SLC6A12: variants seen among roughly 807,000 people sequenced by gnomAD.
The protein encoded by SLC6A12 is solute carrier family 6 member 12, also known as sodium- and chloride-dependent betaine transporter.
SLC6A12 carries 50 observed loss-of-function variants against 73.3 expected under a neutral mutation model. That is an observed-to-expected ratio of 0.68 (90% CI 0.54 to 0.86). The LOEUF (loss-of-function observed/expected upper bound fraction) is 0.86. Among genes scored for constraint, SLC6A12 ranks in the 40% least tolerant of loss-of-function variants. The pLI, the probability that SLC6A12 is intolerant of heterozygous loss-of-function variation, is 0.00. For missense variants in SLC6A12, 648 were observed against 772.8 expected, an observed-to-expected ratio of 0.84 and a Z score of 1.92; for synonymous variants, 304 against 309.2, an observed-to-expected ratio of 0.98 and a Z score of 0.18.
chr12:211,880 T>G (rs147449694), intron 2 of SLC6A12, 146 bp downstream of exon 2: 5 of 152,354 alleles, frequency 3.3e-5, no homozygotes, highest in Middle Eastern at 3.4e-3. Context: ...ATTATTGAAG[T>G]GCATCCTCCT....
downstream of SLC6A12, among the ~76,000 whole-genome samples, chr12:186,524 G>A (rs115007083): frequency 0.011 from 1,712 of 152,348 alleles, 41 homozygotes; most frequent in African/African-American, 0.038. Flanking sequence ...TAAGGCTGTA[G>A]TCCCTGTGTC....
At chr12:200,549 G>A (rs919409968) in intron 7 of SLC6A12, 102 bp downstream of exon 7, 3 of 1,310,082 alleles carry the variant, frequency 2.3e-6, no homozygotes, top group Admixed American at 4.3e-5. Context: ...AGGAAGTGTA[G>A]TTTCTTAATA....
downstream of SLC6A12, among the ~76,000 whole-genome samples, chr12:187,001 T>C (rs527649542): frequency 6.6e-6 from 1 of 152,286 alleles, no homozygotes; most frequent in East Asian, 1.9e-4. Context: ...GTTCTCACTT[T>C]CTCCGCTAGG....
At chr12:200,333 C>T (rs538346572) in intron 7 of SLC6A12, among the ~76,000 whole-genome samples, 3 of 151,922 alleles carry the variant, frequency 2.0e-5, no homozygotes, top group African/African-American at 4.8e-5. Flanking sequence ...TGGTCTCGAT[C>T]TCCTGACCTC....
At chr12:204,535 T>C in intron 4 of SLC6A12, 29 bp downstream of exon 4, 1 of 1,610,932 alleles carries the variant, frequency 6.2e-7, no homozygotes, top group Non-Finnish European at 8.5e-7. Flanking sequence ...GGCGGCCCCA[T>C]GAAGGGGAAG....
downstream of SLC6A12, among the ~76,000 whole-genome samples, chr12:187,522 G>A (rs1320230971): frequency 6.9e-6 from 1 of 144,438 alleles, no homozygotes; most frequent in Admixed American, 7.3e-5. Context: ...TTCCCAATGA[G>A]TGTTACACCT....
intron 10 of SLC6A12, among the ~76,000 whole-genome samples, chr12:197,108 T>C (rs1319733922): frequency 3.1e-4 from 19 of 61,334 alleles, no homozygotes; most frequent in African/African-American, 7.5e-4. Context: ...CATCCATCCA[T>C]CCATCCATCC....
In SLC6A12 at chr12:190,549, A is replaced by G. The variant is rs542736; in HGVS notation, c.*519T>C. On this transcript the variant is annotated 3_prime_UTR_variant, in exon 16 of 16. Coordinates refer to ENST00000684302, the MANE Select transcript of SLC6A12 (RefSeq NM_001122848.3). ...AGGAAACTCCAGACTGACGGCATGC[A>G]AAGGCTTGCCTCTGTCGTTAAGCCT... The G allele has an allele frequency of 0.47, 71,823 of 152,098 alleles. 17,654 individuals carry two copies. Among genetic ancestry groups the G allele is most frequent in the African/African-American group, 0.61 (25,495 of 41,464 alleles). The allele number at this position is 152,098 out of a possible 1,614,324, so 9.4% of individuals were successfully genotyped here.
At chr12:186,824 T>A (rs1382806114), downstream of SLC6A12, among the ~76,000 whole-genome samples, 1 of 152,176 alleles carries the variant, frequency 6.6e-6, no homozygotes, top group African/African-American at 2.4e-5. Context: ...TGACCCAGGA[T>A]TCATGGATGA....
downstream of SLC6A12, among the ~76,000 whole-genome samples, chr12:186,438 T>C (rs1192533289): frequency 6.6e-6 from 1 of 152,182 alleles, no homozygotes; most frequent in Non-Finnish European, 1.5e-5. Flanking sequence ...AAAACAACCA[T>C]ATGCATTTCT....
chr12:200,839 G>C (rs181925311), intron 6 of SLC6A12, 56 bp from the exon 7 acceptor site: 1 of 1,564,666 alleles, frequency 6.4e-7, no homozygotes, highest in Non-Finnish European at 8.7e-7. Flanking sequence ...GACAGTTTGC[G>C]TCTGTCAGCA....
downstream of SLC6A12, among the ~76,000 whole-genome samples, chr12:189,152 G>A (rs1331302828): frequency 1.3e-5 from 2 of 152,216 alleles, no homozygotes; most frequent in East Asian, 3.9e-4. Context: ...TTGCAGGCGG[G>A]GAGAAGGCGG....
At chr12:209,432 G>A (rs982058454) in intron 3 of SLC6A12, among the ~76,000 whole-genome samples, 1 of 152,066 alleles carries the variant, frequency 6.6e-6, no homozygotes, top group African/African-American at 2.4e-5. Flanking sequence ...GCCGGGTCTG[G>A]CACGTGACAG....
In SLC6A12 at chr12:208,793, T is replaced by A. The variant is rs144760044; in HGVS notation, c.214+980A>T. On this transcript the variant is annotated intron_variant, in intron 3 of 15. Transcript: ENST00000684302. ...TTGTGGTGATGGCTGCACAATTCTG[T>A]GACTATACTAAAAACCACTGAATTG... is the stretch of plus-strand genomic sequence containing the variant. Among the ~76,000 whole-genome samples, 121 of 152,264 alleles carry A rather than the reference T, an allele frequency of 7.9e-4. 2 individuals are homozygous for A. The East Asian group carries it at 0.02, about 25-fold the overall frequency.
intron 7 of SLC6A12, among the ~76,000 whole-genome samples, chr12:200,123 T>C (rs1462488829): frequency 2.7e-5 from 4 of 148,670 alleles, no homozygotes; most frequent in African/African-American, 1.0e-4. Flanking sequence ...TTTTTTTTTT[T>C]TTTTTGAGAC....
rs1398161333 is a variant in SLC6A12 at position 198,865 on chromosome 12, G to C, written c.778C>G (p.Leu260Val). Residue 260 changes from leucine (L) to valine (V), a missense_variant, in exon 8 of 16, where the codon CTT (leucine) becomes GTT (valine). Leu to Val is a conservative substitution (Grantham distance 32). Coordinates refer to ENST00000684302, the MANE Select transcript of SLC6A12 (RefSeq NM_001122848.3). This position sits in a 1 kb window ranked among gnomAD's most constrained non-coding sequence, Gnocchi z 4.0. ...ATGATGCCCTGGTAGGCTCCGGGAA[G>C]GGTGACACCTCTGATCAGCAAAATG... Reference protein sequence around the residue: ...LVILLIRGVTLPGAYQGIIYY... With the variant: ...LVILLIRGVTVPGAYQGIIYY... 1.2e-6 allele frequency: 2 copies of C among 1,614,142 alleles called. No individual in the cohort carries two copies. The highest frequency in any genetic ancestry group is 1.7e-5 in the Admixed American group (1 of 60,030).
intron 4 of SLC6A12, chr12:203,571 CG>C (rs1217906502): frequency 6.6e-6 from 1 of 151,974 alleles, no homozygotes. Flanking sequence ...GGGGAGCGGG[CG>C]GGGCGTTGAG....
At chr12:197,146 C>CATCTACCCATCCATCCATCCATCT (rs1163402557) in intron 10 of SLC6A12, among the ~76,000 whole-genome samples, 1 of 95,456 alleles carries the variant, frequency 1.0e-5, no homozygotes, top group African/African-American at 3.5e-5. Flanking sequence ...TCCATCCATC[C>CATCTACCCATCCATCCATCCATCT]ATCCATCCAT....
At chr12:197,137 C>CCATT in intron 10 of SLC6A12, among the ~76,000 whole-genome samples, 1 of 110,624 alleles carries the variant, frequency 9.0e-6, no homozygotes, top group African/African-American at 3.4e-5. Flanking sequence ...ATCCATCCAT[C>CCATT]CATCCATCCA....
Sources: gnomAD v4.1 joint callset for allele counts (sites outside exome capture counted in the v4.1 genomes callset) on GRCh38, gnomAD v4.1.1 for gene constraint, Gnocchi (gnomAD v3.1) non-coding constraint, MANE v1.5 for transcripts, NCBI Gene and HGNC (gene_info 2026-07-23, HGNC 2026-07-21) for gene names.